The following SLC16A7 variants were observed in gnomAD, a reference collection of about 807,000 sequenced individuals.
SLC16A7 encodes the protein solute carrier family 16 member 7.
In SLC16A7, 33 loss-of-function variants were observed where a neutral mutation model predicts 34.9. The observed-to-expected ratio is 0.94, with a 90% confidence interval of 0.72 to 1.26. The LOEUF (loss-of-function observed/expected upper bound fraction) is 1.26, where lower values mean the gene tolerates loss of function less well. SLC16A7 is among the 50% of genes most tolerant of loss of function. SLC16A7 has a pLI of 0.00. For synonymous variants in SLC16A7, 201 were observed against 206.6 expected (o/e 0.97, Z 0.23); for missense variants, 573 against 578.1 (o/e 0.99, Z 0.09).
At chr12:59,741,267 C>T (rs1878303561) in intron 3 of SLC16A7, among the ~76,000 whole-genome samples, 1 of 152,188 alleles carries the variant, frequency 6.6e-6, no homozygotes, top group Non-Finnish European at 1.5e-5. Flanking sequence ...AATCCTAAGC[C>T]TATCCTCAAA....
intron 1 of SLC16A7, among the ~76,000 whole-genome samples, chr12:59,634,457 A>G (rs1226574798): frequency 6.6e-6 from 1 of 152,078 alleles, no homozygotes; most frequent in East Asian, 1.9e-4. Context: ...GTGAGAATTC[A>G]TAGCCAAGGA....
At chr12:59,712,162 G>GT (rs1255061020) in intron 3 of SLC16A7, among the ~76,000 whole-genome samples, 2 of 152,184 alleles carry the variant, frequency 1.3e-5, no homozygotes, top group African/African-American at 4.8e-5. Context: ...GGAAATTGTA[G>GT]TTTTTGATTC....
intron 1 of SLC16A7, among the ~76,000 whole-genome samples, chr12:59,624,982 G>C (rs1037760810): frequency 6.6e-6 from 1 of 151,764 alleles, no homozygotes; most frequent in Non-Finnish European, 1.5e-5. Context: ...GATATCTGGA[G>C]CAAGTACTAG....
At chr12:59,731,743 T>C (rs998503208) in intron 3 of SLC16A7, among the ~76,000 whole-genome samples, 3 of 152,158 alleles carry the variant, frequency 2.0e-5, no homozygotes, top group African/African-American at 7.2e-5. Context: ...GGAAAAATGC[T>C]CTGAAAATGA....
chr12:59,724,290 C>G, intron 3 of SLC16A7, among the ~76,000 whole-genome samples: 1 of 151,978 alleles, frequency 6.6e-6, no homozygotes, highest in Non-Finnish European at 1.5e-5. Context: ...CCTTTCACAC[C>G]AGCCAAAGGA....
At chr12:59,707,814 C>T (rs1398442065) in intron 3 of SLC16A7, among the ~76,000 whole-genome samples, 1 of 152,052 alleles carries the variant, frequency 6.6e-6, no homozygotes, top group Non-Finnish European at 1.5e-5. Context: ...CCTCCATTAT[C>T]GGGGCTAAAA....
rs575545403 is a variant in SLC16A7 at position 59,711,588 on chromosome 12, G to A, written c.217+6570G>A. On this transcript the variant is annotated intron_variant, in intron 3 of 5. Coordinates refer to ENST00000547379, the MANE Select transcript of SLC16A7 (RefSeq NM_001270623.2). ...AGCTGAGTGTAGTGGTGTGATCATG[G>A]CTCACTACAGCCTTGACTTCCTGGG... Among the ~76,000 whole-genome samples the A allele has an allele frequency of 2.8e-4, 42 of 152,272 alleles. 1 individual carries two copies. The South Asian group carries it at 7.7e-3, about 28-fold the overall frequency.
chr12:59,756,461 C>T (rs879294990), intron 3 of SLC16A7, among the ~76,000 whole-genome samples: 2 of 151,934 alleles, frequency 1.3e-5, no homozygotes, highest in South Asian at 2.1e-4. Context: ...TGAACAGACA[C>T]TTCTCAAAAG....
At chr12:59,771,026 A>G (rs1882171040) in intron 3 of SLC16A7, among the ~76,000 whole-genome samples, 193 bp from the exon 4 acceptor site, 1 of 152,214 alleles carries the variant, frequency 6.6e-6, no homozygotes, top group African/African-American at 2.4e-5. Context: ...TTTTATACAT[A>G]TGACTGAAAA....
At chr12:59,762,852 A>G (rs1297010336) in intron 3 of SLC16A7, among the ~76,000 whole-genome samples, 1 of 151,992 alleles carries the variant, frequency 6.6e-6, no homozygotes, top group Non-Finnish European at 1.5e-5. Flanking sequence ...GCTCAGTATC[A>G]ATCATTTAAA....
intron 2 of SLC16A7, among the ~76,000 whole-genome samples, chr12:59,663,595 A>C (rs1220362204): frequency 6.6e-6 from 1 of 152,080 alleles, no homozygotes; most frequent in Non-Finnish European, 1.5e-5. Context: ...GTTCTCAGTA[A>C]ATATATAGAC....
At chr12:59,770,130 A>T (rs948770093) in intron 3 of SLC16A7, among the ~76,000 whole-genome samples, 1 of 152,150 alleles carries the variant, frequency 6.6e-6, no homozygotes, top group Admixed American at 6.6e-5. Context: ...ACTTTTTTAG[A>T]CTTAAATGCA....
At chr12:59,652,196 A>G (rs1005951376) in intron 1 of SLC16A7, among the ~76,000 whole-genome samples, 1 of 152,080 alleles carries the variant, frequency 6.6e-6, no homozygotes, top group Non-Finnish European at 1.5e-5. Context: ...AAATAAGTTA[A>G]TAAAATTACA....
intron 1 of SLC16A7, among the ~76,000 whole-genome samples, chr12:59,638,030 G>T (rs1369499592): frequency 6.6e-6 from 1 of 152,096 alleles, no homozygotes; most frequent in African/African-American, 2.4e-5. Context: ...CTATTGCTTA[G>T]AAATTACCCA....
At chr12:59,728,348 G>A (rs1325613612) in intron 3 of SLC16A7, among the ~76,000 whole-genome samples, 1 of 152,184 alleles carries the variant, frequency 6.6e-6, no homozygotes, top group Admixed American at 6.5e-5. Flanking sequence ...CTACACACTG[G>A]AGTGAGGCCC....
chr12:59,610,911 C>T (rs1879164149), intron 1 of SLC16A7, among the ~76,000 whole-genome samples: 1 of 152,158 alleles, frequency 6.6e-6, no homozygotes. Context: ...AGACTGAGTG[C>T]TTATAAACAA....
At chr12:59,637,494 G>A (rs1172523578) in intron 1 of SLC16A7, among the ~76,000 whole-genome samples, 1 of 151,272 alleles carries the variant, frequency 6.6e-6, no homozygotes, top group African/African-American at 2.4e-5. Flanking sequence ...ACCTTTGTAG[G>A]GTTAGAAAGG....
intron 1 of SLC16A7, among the ~76,000 whole-genome samples, chr12:59,636,417 A>G (rs1880428409): frequency 6.6e-6 from 1 of 152,108 alleles, no homozygotes; most frequent in South Asian, 2.1e-4. Context: ...CAGGCAACAT[A>G]CTTTTTTTTA....
intron 1 of SLC16A7, among the ~76,000 whole-genome samples, chr12:59,623,212 T>C (rs1879778169): frequency 6.6e-6 from 1 of 151,764 alleles, no homozygotes; most frequent in Non-Finnish European, 1.5e-5. Flanking sequence ...TAAGCTTTCA[T>C]CATTGTGCAA....
Sources: gnomAD v4.1 joint callset for allele counts (sites outside exome capture counted in the v4.1 genomes callset) on GRCh38, gnomAD v4.1.1 for gene constraint, MANE v1.5 for transcripts, NCBI Gene and HGNC (gene_info 2026-07-23, HGNC 2026-07-21) for gene names.